Variants in MGRN1 observed in about 807,000 individuals in gnomAD.
MGRN1 encodes the protein mahogunin ring finger 1.
Under a neutral mutation model 69.2 loss-of-function variants are expected in MGRN1, and 29 were observed. The ratio of observed to expected loss-of-function variants is 0.42; its 90% CI spans 0.31 to 0.57. MGRN1 has a LOEUF of 0.57. Ranked by LOEUF, MGRN1 falls within the 20% of genes least tolerant of loss-of-function variation. The pLI, the probability that MGRN1 is intolerant of heterozygous loss-of-function variation, is 0.15. For synonymous variants in MGRN1, 470 were observed against 344.2 expected, an observed-to-expected ratio of 1.37 and a Z score of -4.04; for missense variants, 998 against 796.2, an observed-to-expected ratio of 1.25 and a Z score of -3.05.
intron 6 of MGRN1, 59 bp downstream of exon 6, chr16:4,664,834 C>T (rs1442073879): frequency 5.7e-6 from 9 of 1,592,816 alleles, no homozygotes; most frequent in Middle Eastern, 1.7e-4. Flanking sequence ...GGAAGCACGT[C>T]TTGAGGGAGG....
chr16:4,655,912 G>A (rs1188555773), intron 4 of MGRN1, among the ~76,000 whole-genome samples: 2 of 152,226 alleles, frequency 1.3e-5, no homozygotes, highest in South Asian at 2.1e-4. Flanking sequence ...TGAGGGTGGC[G>A]TCTTAACTGT....
At position 4,624,891 on chromosome 16, in the gene MGRN1, C is replaced by A; in HGVS notation, c.-70C>A. 1 of 1,361,886 alleles carries A rather than the reference C, an allele frequency of 7.3e-7. No individual in the cohort carries two copies. Among genetic ancestry groups the A allele is most frequent in the Non-Finnish European group, 9.9e-7 (1 of 1,011,718 alleles). 84.4% of individuals were successfully genotyped at this position (1,361,886 alleles called of 1,614,324 possible). ...TGCGGCCTGGTCCGGGCCATGTCCG[C>A]GTGAGGACCCCGCCGCTGTCGCCGC... is the stretch of plus-strand genomic sequence containing the variant. On this transcript the variant is annotated 5_prime_UTR_variant, in exon 1 of 17. Transcript: ENST00000262370.
At chr16:4,686,333 GC>G in intron 16 of MGRN1, 1 of 1,540,448 alleles carries the variant, frequency 6.5e-7, no homozygotes. Flanking sequence ...CGCTTCGGGG[GC>G]TCTGACGCGC....
intron 1 of MGRN1, among the ~76,000 whole-genome samples, chr16:4,633,207 G>A (rs189790329): frequency 2.0e-5 from 3 of 151,702 alleles, no homozygotes; most frequent in Non-Finnish European, 2.9e-5. Context: ...GGCCAGCATG[G>A]TAAAACCCCA....
chr16:4,627,287 T>C (rs1419032326), intron 1 of MGRN1, among the ~76,000 whole-genome samples: 2 of 152,222 alleles, frequency 1.3e-5, no homozygotes, highest in African/African-American at 2.4e-5. Context: ...GGTGGTAATA[T>C]ATGCATTTTT....
Position 4,689,069 on chromosome 16 carries a change from G to A in MGRN1, c.*161G>A. On this transcript the variant is annotated 3_prime_UTR_variant, in exon 17 of 17. Coordinates refer to ENST00000262370, the MANE Select transcript of MGRN1 (RefSeq NM_015246.4). Reference sequence around the variant, plus strand: ...TCTTGATCAAAGAGCACAGTGAACTGTCCCTTCTGAGTCTCCCTTTTCTAC... The same window carrying A: ...TCTTGATCAAAGAGCACAGTGAACTATCCCTTCTGAGTCTCCCTTTTCTAC... The A allele has an allele frequency of 1.0e-6, 1 of 955,742 alleles. No homozygotes were observed. Among genetic ancestry groups the A allele is most frequent in the Non-Finnish European group, 1.5e-6 (1 of 674,740 alleles). 59.2% of individuals were successfully genotyped at this position (955,742 alleles called of 1,614,324 possible). A position where few individuals can be genotyped will look rare whatever the true frequency, so the allele number is the denominator to read the frequency against.
intron 4 of MGRN1, among the ~76,000 whole-genome samples, chr16:4,654,409 G>A (rs1020389631): frequency 1.1e-4 from 17 of 152,218 alleles, no homozygotes; most frequent in Non-Finnish European, 2.4e-4. Context: ...TTTGAGATAA[G>A]GGTCCTTCTG....
intron 4 of MGRN1, among the ~76,000 whole-genome samples, chr16:4,653,363 T>A (rs1048705402): frequency 3.3e-5 from 5 of 152,162 alleles, no homozygotes; most frequent in Non-Finnish European, 7.4e-5. Context: ...GAAAACCCCA[T>A]TTCAGGGCCT....
chr16:4,688,531 G>A lies in MGRN1; in HGVS notation c.1619-265G>A, dbSNP rs914564236. ...GGCATCCACCGCGGTGCCGTGTCGC[G>A]CTCTGACTCGGGGCTGCAGATCTGC... On this transcript the variant is annotated intron_variant, in intron 16 of 16. Coordinates refer to ENST00000262370, the MANE Select transcript of MGRN1 (RefSeq NM_015246.4). The A allele has an allele frequency of 1.2e-5, 15 of 1,247,276 alleles. No homozygotes were observed. The East Asian group carries it at 2.6e-4, about 22-fold the overall frequency. 77.3% of individuals were successfully genotyped at this position (1,247,276 alleles called of 1,614,324 possible).
rs1370915230 is a variant in MGRN1 at position 4,689,502 on chromosome 16, G to A, written c.*594G>A. On this transcript the variant is annotated 3_prime_UTR_variant, in exon 17 of 17. Transcript: ENST00000262370. ...GGGGCCCTCAGTGCTCGGGGCCTTG[G>A]GGTGCATGGGTGCCGCCCTGGGCAG... 1 of 152,796 alleles carries A rather than the reference G, an allele frequency of 6.5e-6. No homozygotes were observed. The highest frequency in any genetic ancestry group is 1.5e-5 in the Non-Finnish European group (1 of 68,312). 9.5% of individuals were successfully genotyped at this position (152,796 alleles called of 1,614,324 possible). A position where few individuals can be genotyped will look rare whatever the true frequency, so the allele number is the denominator to read the frequency against.
At chr16:4,667,717 A>T (rs373471855) in intron 7 of MGRN1, among the ~76,000 whole-genome samples, 7 of 152,124 alleles carry the variant, frequency 4.6e-5, no homozygotes, top group African/African-American at 1.7e-4. Flanking sequence ...ACCTTGTTGA[A>T]CTCTGAGCGG....
chr16:4,681,390 G>T, intron 12 of MGRN1, 160 bp from the exon 13 acceptor site: 1 of 635,306 alleles, frequency 1.6e-6, no homozygotes, highest in Non-Finnish European at 2.7e-6. Flanking sequence ...GGCTGAGGCA[G>T]GGAGGGCATC....
intron 7 of MGRN1, among the ~76,000 whole-genome samples, chr16:4,666,688 T>G (rs977897156): frequency 6.6e-6 from 1 of 152,212 alleles, no homozygotes; most frequent in African/African-American, 2.4e-5. Context: ...CCCCCAGTCC[T>G]GCTGCTCCTT....
chr16:4,639,537 C>G (rs1292931252), intron 1 of MGRN1, among the ~76,000 whole-genome samples: 2 of 152,190 alleles, frequency 1.3e-5, no homozygotes, highest in Non-Finnish European at 2.9e-5. Context: ...TAGGATGGAA[C>G]AGGCAGGACA....
At chr16:4,647,205 G>A (rs1361669545) in intron 1 of MGRN1, among the ~76,000 whole-genome samples, 1 of 152,242 alleles carries the variant, frequency 6.6e-6, no homozygotes, top group Non-Finnish European at 1.5e-5. Flanking sequence ...TGCACATCTT[G>A]GAGGAGCAGG....
At chr16:4,639,048 G>A (rs1488404925) in intron 1 of MGRN1, among the ~76,000 whole-genome samples, 1 of 152,174 alleles carries the variant, frequency 6.6e-6, no homozygotes, top group African/African-American at 2.4e-5. Flanking sequence ...ACCTGAGCAG[G>A]TCACTCAGCC....
At chr16:4,680,380 A>C (rs2079153648) in intron 12 of MGRN1, 1 of 426,878 alleles carries the variant, frequency 2.3e-6, no homozygotes, top group Non-Finnish European at 4.3e-6. Flanking sequence ...TCTTGCTGGC[A>C]GTGGAATGGA....
At chr16:4,683,378 A>G in intron 15 of MGRN1, 109 bp downstream of exon 15, 1 of 1,344,434 alleles carries the variant, frequency 7.4e-7, no homozygotes, top group East Asian at 2.4e-5. Context: ...CTTCTGCCCC[A>G]GGAACCCTCG....
chr16:4,650,109 C>G, intron 1 of MGRN1: 2 of 324,662 alleles, frequency 6.2e-6, no homozygotes. Context: ...TGGAGACCAT[C>G]CTGGCCAATA....
Sources: gnomAD v4.1 joint callset for allele counts (sites outside exome capture counted in the v4.1 genomes callset) on GRCh38, gnomAD v4.1.1 for gene constraint, MANE v1.5 for transcripts, NCBI Gene and HGNC (gene_info 2026-07-23, HGNC 2026-07-21) for gene names.